The following ALOX15B variants were observed in gnomAD, a reference collection of about 807,000 sequenced individuals.
The protein encoded by ALOX15B is arachidonate 15-lipoxygenase type B.
Under a neutral mutation model 73.8 loss-of-function variants are expected in ALOX15B, and 74 were observed. That is an observed-to-expected ratio of 1.00 (90% confidence interval 0.83 to 1.22). The LOEUF (loss-of-function observed/expected upper bound fraction) is 1.22, where lower values mean the gene tolerates loss of function less well. Among genes scored for constraint, ALOX15B ranks in the 50% most tolerant of loss-of-function variants. The pLI is 0.00. For missense variants in ALOX15B, 896 were observed against 859.9 expected (o/e 1.04, Z -0.52); for synonymous variants, 353 against 357.2 (o/e 0.99, Z 0.13).
At position 8,040,595 on chromosome 17, in the gene ALOX15B, A is replaced by AAGAGAGAG. The variant is rs763288243; in HGVS notation, c.449+614_449+621dup. On this transcript the variant is annotated intron_variant, in intron 3 of 13. Coordinates refer to ENST00000380183, the MANE Select transcript of ALOX15B (RefSeq NM_001141.3). ...GGAAAAGGAAGGAAAGAGAGAAAGA[A>AAGAGAGAG]AGAGAGAGAAAGAAAGAAAGAAAGA... Among the ~76,000 whole-genome samples the AAGAGAGAG allele has an allele frequency of 2.4e-4, 22 of 91,182 alleles. No homozygotes were observed. In the South Asian group the frequency reaches 8.6e-3, roughly 36 times the overall value. The allele number at this position is 91,182 out of a possible 152,430, so 59.8% of individuals were successfully genotyped here.
At chr17:8,041,929 C>G (rs957390239) in intron 3 of ALOX15B, among the ~76,000 whole-genome samples, 2 of 152,216 alleles carry the variant, frequency 1.3e-5, no homozygotes, top group Non-Finnish European at 2.9e-5. Context: ...CTAACTCCAA[C>G]TAGCAGGCAG....
In ALOX15B at chr17:8,039,489, C is replaced by A; in HGVS notation, c.251C>A (p.Pro84Gln). 7.6e-6 allele frequency: 12 copies of A among 1,583,226 alleles called. No homozygotes were observed. The highest frequency in any genetic ancestry group is 9.4e-6 in the Non-Finnish European group (11 of 1,166,920). The change falls in exon 2 of 14, where the codon CCG becomes CAG. Residue 84 changes from proline (P) to glutamine (Q), a missense_variant. Coordinates refer to ENST00000380183, the MANE Select transcript of ALOX15B (RefSeq NM_001141.3). Reference protein sequence around the residue: ...PVLPLLGPLAPDAWFCRWFQL... With the variant: ...PVLPLLGPLAQDAWFCRWFQL... Reference sequence around the variant, plus strand: ...CTGCCCCTGCTGGGGCCCCTGGCCCCGGATGCCTGGTTCTGCCGCTGGTTC... The same window carrying A: ...CTGCCCCTGCTGGGGCCCCTGGCCCAGGATGCCTGGTTCTGCCGCTGGTTC...
rs768198349 is a variant in ALOX15B at position 8,048,494 on chromosome 17, C to G, written c.1960C>G (p.Arg654Gly). Residue 654 changes from arginine (R) to glycine (G), a missense_variant, in exon 14 of 14, where the codon CGG (arginine) becomes GGG (glycine). Physicochemically the swap from Arg to Gly is moderately radical, Grantham distance 125. Coordinates refer to ENST00000380183, the MANE Select transcript of ALOX15B (RefSeq NM_001141.3). The stretch of plus-strand genomic sequence containing the variant: ...CCAGATCTCGAGGGGCATCCAGGAG[C>G]GGAACCAGGGCCTGGTGCTGCCCTA... ...LAQISRGIQE[R>G]NQGLVLPYTY... 6.2e-7 allele frequency: 1 copy of G among 1,614,006 alleles called. No individual in the cohort carries two copies. The highest frequency in any genetic ancestry group is 8.5e-7 in the Non-Finnish European group (1 of 1,180,034).
In ALOX15B at chr17:8,043,371, C is replaced by T. The variant is rs375027245; in HGVS notation, c.676+487C>T. 5.5e-4 allele frequency among the ~76,000 whole-genome samples: 84 copies of T among 152,206 alleles called. 2 individuals are homozygous for T. In the South Asian group the frequency reaches 0.016, roughly 29 times the overall value. On this transcript the variant is annotated intron_variant, in intron 5 of 13. Transcript: ENST00000380183. Reference sequence around the variant, plus strand: ...TGGGCCGTGGGGGCAGAGAGCAGTTCGGGGAACAGTGAGTGTGAAGGCCCT... The same window carrying T: ...TGGGCCGTGGGGGCAGAGAGCAGTTTGGGGAACAGTGAGTGTGAAGGCCCT...
chr17:8,048,201 A>G (rs1439330505), intron 13 of ALOX15B, among the ~76,000 whole-genome samples, 185 bp from the exon 14 acceptor site: 3 of 152,242 alleles, frequency 2.0e-5, no homozygotes, highest in African/African-American at 7.2e-5. Context: ...TAAGCTTTAC[A>G]TGGATATCTG....
chr17:8,040,637 AAG>A (rs1555638486), intron 3 of ALOX15B, among the ~76,000 whole-genome samples: 8 of 131,556 alleles, frequency 6.1e-5, no homozygotes, highest in South Asian at 2.3e-4. Context: ...GAAAGAAAGA[AAG>A]AAAGAAAGAA....
intron 4 of ALOX15B, 40 bp downstream of exon 4, chr17:8,042,531 G>T (rs1976490554): frequency 6.2e-7 from 1 of 1,607,108 alleles, no homozygotes; most frequent in African/African-American, 1.3e-5. Context: ...GGCCTCAGAT[G>T]CCCTATGACC....
intron 13 of ALOX15B, among the ~76,000 whole-genome samples, 197 bp downstream of exon 13, chr17:8,048,112 T>C (rs905725172): frequency 1.3e-5 from 2 of 152,186 alleles, no homozygotes; most frequent in African/African-American, 4.8e-5. Context: ...GGAGCCACTC[T>C]CAGTAGCAAG....
chr17:8,047,535 G>A (rs763068223), intron 11 of ALOX15B, 29 bp from the exon 12 acceptor site: 2 of 1,578,512 alleles, frequency 1.3e-6, no homozygotes, highest in Non-Finnish European at 1.7e-6. Context: ...GTCCCTGGAA[G>A]CCCCATCCCA....
At chr17:8,040,601 G>GAGAGAGAAAGAAAGAAAGAAAGAAAGAA (rs1555638441) in intron 3 of ALOX15B, among the ~76,000 whole-genome samples, 66 of 109,522 alleles carry the variant, frequency 6.0e-4, no homozygotes, top group African/African-American at 1.2e-3. Context: ...AAGAAAGAGA[G>GAGAGAGAAAGAAAGAAAGAAAGAAAGAA]AGAAAGAAAG....
Position 8,039,142 on chromosome 17 carries a change from CTT to C in ALOX15B, c.-13_-12del. 1 of 1,611,786 alleles carries C rather than the reference CTT, an allele frequency of 6.2e-7. No individual in the cohort carries two copies. The highest frequency in any genetic ancestry group is 8.5e-7 in the Non-Finnish European group (1 of 1,179,008). On this transcript the variant is annotated 5_prime_UTR_variant, in exon 1 of 14. Coordinates refer to ENST00000380183, the MANE Select transcript of ALOX15B (RefSeq NM_001141.3). ...GCCCTGTGCGCCGTAGAGAGCTGGA[CTT>C]AGGCTGGCAGCATGGCCGAGTTCAG...
intron 3 of ALOX15B, 79 bp downstream of exon 3, chr17:8,040,062 T>C: frequency 7.3e-7 from 1 of 1,378,534 alleles, no homozygotes; most frequent in South Asian, 1.3e-5. Context: ...ATGACAGAGA[T>C]TAAAAGCCCC....
In ALOX15B at chr17:8,046,987, G is replaced by A; in HGVS notation, c.1368G>A (p.Leu456=). Residue 456 remains leucine, a synonymous_variant, in exon 10 of 14, where the codon CTG becomes CTA. Transcript: ENST00000380183. ...MKQLNYSLLC[L]PEDIRTRGVE... is the part of the protein sequence containing the mutation. ...AGCTGAACTATTCTCTCCTGTGTCT[G>A]CCTGAGGATATCCGGACCCGAGGAG... The A allele has an allele frequency of 6.2e-7, 1 of 1,614,158 alleles. No individual in the cohort carries two copies. The highest frequency in any genetic ancestry group is 8.5e-7 in the Non-Finnish European group (1 of 1,180,038).
Position 8,044,822 on chromosome 17 carries a change from C to T in ALOX15B, c.677-7C>T. 6.2e-7 allele frequency: 1 copy of T among 1,612,470 alleles called. No individual in the cohort carries two copies. Among genetic ancestry groups the T allele is most frequent in the South Asian group, 1.1e-5 (1 of 90,960 alleles). On this transcript the variant is annotated splice_polypyrimidine_tract_variant and splice_region_variant and intron_variant, in intron 5 of 13. Coordinates refer to ENST00000380183, the MANE Select transcript of ALOX15B (RefSeq NM_001141.3). ...GACCCCGTTCCCCTGTCCCCCACCC[C>T]CTGCAGAGCACGCATTTGAGCACTG...
Position 8,048,608 on chromosome 17 carries a change from A to G in ALOX15B, c.*43A>G. 1 of 1,586,434 alleles carries G rather than the reference A, an allele frequency of 6.3e-7. No homozygotes were observed. Among genetic ancestry groups the G allele is most frequent in the Non-Finnish European group, 8.6e-7 (1 of 1,164,488 alleles). ...GCCCAGATGACATCCCTTTGACCAC[A>G]TCGCTCTAGGATAACTGGCACCCAG... On this transcript the variant is annotated 3_prime_UTR_variant, in exon 14 of 14. Transcript: ENST00000380183.
Position 8,039,485 on chromosome 17 carries a change from G to T in ALOX15B, c.247G>T (p.Ala83Ser). 1.3e-6 allele frequency: 2 copies of T among 1,585,212 alleles called. No individual in the cohort carries two copies. The highest frequency in any genetic ancestry group is 8.6e-7 in the Non-Finnish European group (1 of 1,167,862). ...AGTGCTGCCCCTGCTGGGGCCCCTG[G>T]CCCCGGATGCCTGGTTCTGCCGCTG... Reference protein sequence around the residue: ...PPVLPLLGPLAPDAWFCRWFQ... With the variant: ...PPVLPLLGPLSPDAWFCRWFQ... The change falls in exon 2 of 14, where the codon GCC becomes TCC. Residue 83 changes from alanine (A) to serine (S), a missense_variant. By Grantham distance (99) the Ala-to-Ser change is moderately conservative. Transcript: ENST00000380183.
chr17:8,044,992 TGAGCTAGA>T lies in ALOX15B; in HGVS notation c.842_849del (p.Leu282GlyfsTer20). 6.2e-7 allele frequency: 1 copy of T among 1,614,116 alleles called. No homozygotes were observed. ...TGGGTCCTGGGACCAGCTTGCAGGCTGAGCTAGAGGTGAGGGGTGCAGGGATCTTGGCT... is the reference window on the plus strand; with the variant it reads ...TGGGTCCTGGGACCAGCTTGCAGGCTGGTGAGGGGTGCAGGGATCTTGGCT... On this transcript the variant is annotated frameshift_variant and splice_region_variant, in exon 6 of 14. Transcript: ENST00000380183. LOFTEE classifies it high-confidence loss of function.
In ALOX15B at chr17:8,048,371, G is replaced by A. The variant is rs752562872; in HGVS notation, c.1852-15G>A. 1 of 1,606,882 alleles carries A rather than the reference G, an allele frequency of 6.2e-7. No homozygotes were observed. The highest frequency in any genetic ancestry group is 8.5e-7 in the Non-Finnish European group (1 of 1,175,894). ...CTCAGCAGCCGCCTCACCCAACCTT[G>A]TGGTGGATCCTCAGAGGCCCCTGGG... On this transcript the variant is annotated splice_polypyrimidine_tract_variant and intron_variant, in intron 13 of 13. Coordinates refer to ENST00000380183, the MANE Select transcript of ALOX15B (RefSeq NM_001141.3).
rs1175138516 is a variant in ALOX15B at position 8,046,730 on chromosome 17, C to T, written c.1263C>T (p.Ile421=). The change falls in exon 9 of 14, where the codon ATC becomes ATT. Residue 421 remains isoleucine, a synonymous_variant. Coordinates refer to ENST00000380183, the MANE Select transcript of ALOX15B (RefSeq NM_001141.3). The stretch of plus-strand genomic sequence containing the variant: ...ACACACTCGCCCGGGAGCTGCTTAT[C>T]GTGCCAGGGCAGGTGGTGGACAGGG... The part of the protein sequence containing the change: ...HINTLARELL[I]VPGQVVDRST... 5 of 1,613,902 alleles carry T rather than the reference C, an allele frequency of 3.1e-6. No individual in the cohort carries two copies. Among genetic ancestry groups the T allele is most frequent in the African/African-American group, 2.7e-5 (2 of 75,020 alleles).
Sources: allele counts gnomAD v4.1 joint callset (sites outside exome capture counted in the v4.1 genomes callset), GRCh38; gene constraint gnomAD v4.1.1; transcripts MANE v1.5; gene names NCBI Gene and HGNC (gene_info 2026-07-23, HGNC 2026-07-21).